Variants in RYR2 observed in about 807,000 individuals in gnomAD.
RYR2 encodes the protein ryanodine receptor 2.
RYR2 carries 227 observed loss-of-function variants against 601.1 expected under a neutral mutation model. The observed-to-expected ratio is 0.38, with a 90% confidence interval of 0.34 to 0.42. The LOEUF is 0.42. Ranked by LOEUF, RYR2 falls within the 10% of genes least tolerant of loss-of-function variation. The pLI is 1.00. For synonymous variants in RYR2, 2,223 were observed against 2,175.1 expected, an observed-to-expected ratio of 1.02 and a Z score of -0.61; for missense variants, 4,646 against 6,156.5, an observed-to-expected ratio of 0.75 and a Z score of 8.21.
At chr1:237,162,290 T>C (rs1676099009) in intron 1 of RYR2, among the ~76,000 whole-genome samples, 2 of 152,148 alleles carry the variant, frequency 1.3e-5, no homozygotes, top group Non-Finnish European at 2.9e-5. Flanking sequence ...TTATACAGTA[T>C]GTGAATGTGG....
At chr1:237,473,365 G>A (rs775237440) in intron 17 of RYR2, among the ~76,000 whole-genome samples, 2 of 151,916 alleles carry the variant, frequency 1.3e-5, no homozygotes, top group Non-Finnish European at 2.9e-5. Context: ...CGGAGGTTGC[G>A]GTGAGCCGAG....
In RYR2 at chr1:237,733,783, A is replaced by C. The variant is rs777542499; in HGVS notation, c.11091+27A>C. On this transcript the variant is annotated intron_variant, in intron 79 of 104. Coordinates refer to ENST00000366574, the MANE Select transcript of RYR2 (RefSeq NM_001035.3). ...TAAATAAGTATCCTTCCTGATTTTC[A>C]TGTTTAATTTTAATAAAGGGAAGTA... is the stretch of plus-strand genomic sequence containing the variant. The C allele has an allele frequency of 6.8e-6, 10 of 1,470,170 alleles. No homozygotes were observed. In the Admixed American group the frequency reaches 8.4e-5, roughly 12 times the overall value. The allele number at this position is 1,470,170 out of a possible 1,614,324, so 91.1% of individuals were successfully genotyped here.
intron 50 of RYR2, 131 bp downstream of exon 50, chr1:237,650,228 C>A: frequency 1.2e-6 from 1 of 828,524 alleles, no homozygotes. Flanking sequence ...TAGGTAGTCC[C>A]ATATACTGAG....
chr1:237,325,957 T>G (rs1696132018), intron 2 of RYR2, among the ~76,000 whole-genome samples: 2 of 152,192 alleles, frequency 1.3e-5, no homozygotes, highest in Non-Finnish European at 2.9e-5. Flanking sequence ...TGGAGTAGTT[T>G]ATTAGTATGC....
intron 96 of RYR2, 81 bp downstream of exon 96, chr1:237,795,412 G>T: frequency 1.4e-6 from 1 of 702,296 alleles, no homozygotes; most frequent in Non-Finnish European, 2.4e-6. Context: ...TGTAGAATAA[G>T]ATATTGAGGT....
intron 34 of RYR2, among the ~76,000 whole-genome samples, chr1:237,600,843 T>C (rs1676425225): frequency 6.6e-6 from 1 of 152,152 alleles, no homozygotes; most frequent in East Asian, 1.9e-4. Flanking sequence ...TATGAAAACA[T>C]GCTCAACATC....
At chr1:237,480,329 G>GGATC (rs1661900465) in intron 17 of RYR2, among the ~76,000 whole-genome samples, 1 of 147,046 alleles carries the variant, frequency 6.8e-6, no homozygotes, top group Non-Finnish European at 1.5e-5. Context: ...TGAGGCAGGA[G>GGATC]GATCGCTTAA....
At chr1:237,111,410 A>G (rs889029651) in intron 1 of RYR2, among the ~76,000 whole-genome samples, 3 of 152,158 alleles carry the variant, frequency 2.0e-5, no homozygotes, top group Non-Finnish European at 4.4e-5. Context: ...CAACATGGCG[A>G]AACCCTGTCT....
intron 1 of RYR2, among the ~76,000 whole-genome samples, chr1:237,072,352 A>C (rs956967930): frequency 6.6e-6 from 1 of 152,196 alleles, no homozygotes; most frequent in African/African-American, 2.4e-5. Flanking sequence ...AGCAAACTCC[A>C]CTTTCCACTG....
chr1:237,178,839 A>T (rs2148941424), intron 1 of RYR2, among the ~76,000 whole-genome samples: 1 of 152,190 alleles, frequency 6.6e-6, no homozygotes, highest in Admixed American at 6.5e-5. Context: ...TTTGCTTTCA[A>T]CCTTTAGGTT....
intron 16 of RYR2, among the ~76,000 whole-genome samples, chr1:237,461,567 G>A (rs565211297): frequency 3.3e-5 from 5 of 151,954 alleles, no homozygotes; most frequent in South Asian, 4.2e-4. Flanking sequence ...TCTAGTTAGC[G>A]GGCTACAACT....
At chr1:237,528,446 A>T (rs1667803162) in intron 24 of RYR2, among the ~76,000 whole-genome samples, 1 of 152,168 alleles carries the variant, frequency 6.6e-6, no homozygotes. Context: ...AGCCATGGAT[A>T]AGGGAGGACT....
chr1:237,156,078 G>A (rs1017269790), intron 1 of RYR2, among the ~76,000 whole-genome samples: 3 of 152,156 alleles, frequency 2.0e-5, no homozygotes, highest in Admixed American at 1.3e-4. Context: ...GGAGAGACCT[G>A]CCCTGGTCCT....
chr1:237,165,601 C>T (rs1676613961), intron 1 of RYR2, among the ~76,000 whole-genome samples: 1 of 152,126 alleles, frequency 6.6e-6, no homozygotes, highest in South Asian at 2.1e-4. Context: ...TGGTGGCTCA[C>T]ACCTGTTATC....
chr1:237,062,267 A>G (rs1311131725), intron 1 of RYR2, among the ~76,000 whole-genome samples: 1 of 152,190 alleles, frequency 6.6e-6, no homozygotes, highest in Non-Finnish European at 1.5e-5. Context: ...AAATCTCCAC[A>G]AGATGAGCTG....
At chr1:237,729,938 A>C (rs1019540328) in intron 76 of RYR2, among the ~76,000 whole-genome samples, 5 of 152,156 alleles carry the variant, frequency 3.3e-5, no homozygotes, top group Non-Finnish European at 5.9e-5. Context: ...TACATCCTTT[A>C]TCTCATTTTA....
Position 237,498,023 on chromosome 1 carries a change from C to T in RYR2, c.2203+1271C>T, listed in dbSNP as rs115387750. ...ACTAACAGGCTTGCACCACCATGCC[C>T]GGCTAATTTTTATATATATTTTAGT... On this transcript the variant is annotated intron_variant, in intron 20 of 104. Transcript: ENST00000366574. Among the ~76,000 whole-genome samples the T allele has an allele frequency of 5.9e-3, 896 of 151,972 alleles. 7 individuals are homozygous for T. The highest frequency in any genetic ancestry group is 0.013 in the Admixed American group (192 of 15,256).
chr1:237,700,216 A>T lies in RYR2; in HGVS notation c.9129-13A>T, dbSNP rs779235155. ...TGTTGGAAGATACGAGTCCTCCCTT[A>T]TTTACTTTCTAGGACAGTGATGAAG... On this transcript the variant is annotated splice_polypyrimidine_tract_variant and intron_variant, in intron 64 of 104. Transcript: ENST00000366574. 3 of 1,463,218 alleles carry T rather than the reference A, an allele frequency of 2.1e-6. No individual in the cohort carries two copies. The highest frequency in any genetic ancestry group is 1.2e-5 in the South Asian group (1 of 81,424). The allele number at this position is 1,463,218 out of a possible 1,614,324, so 90.6% of individuals were successfully genotyped here.
At chr1:237,729,447 C>A (rs1690489866) in intron 76 of RYR2, among the ~76,000 whole-genome samples, 1 of 152,116 alleles carries the variant, frequency 6.6e-6, no homozygotes, top group African/African-American at 2.4e-5. Flanking sequence ...GGCAGTTGCC[C>A]CCTCTGATTT....
Sources: allele counts gnomAD v4.1 joint callset (sites outside exome capture counted in the v4.1 genomes callset), GRCh38; gene constraint gnomAD v4.1.1; transcripts MANE v1.5; gene names NCBI Gene and HGNC (gene_info 2026-07-23, HGNC 2026-07-21).